The following ROBO2 variants were observed in gnomAD, a reference collection of about 807,000 sequenced individuals.
The protein encoded by ROBO2 is roundabout guidance receptor 2.
In ROBO2, 53 loss-of-function variants were observed where a neutral mutation model predicts 160.8. That is an observed-to-expected ratio of 0.33 (90% CI 0.26 to 0.41). The LOEUF (loss-of-function observed/expected upper bound fraction) is 0.41. ROBO2 is among the 10% of genes least tolerant of loss of function. The probability of loss-of-function intolerance (pLI) is 1.00; values close to 1 mark genes in which losing one functional copy is unlikely to be tolerated. For missense variants in ROBO2, 1,577 were observed against 1,722.4 expected (o/e 0.92, Z 1.49); for synonymous variants, 664 against 611.7 (o/e 1.09, Z -1.26).
intron 2 of ROBO2, among the ~76,000 whole-genome samples, chr3:77,296,861 G>T (rs2062186247): frequency 6.6e-6 from 1 of 152,078 alleles, no homozygotes; most frequent in Non-Finnish European, 1.5e-5. Context: ...TTGGTGCTTT[G>T]CTGATTAGCA....
chr3:77,130,490 A>T (rs1331742685), intron 2 of ROBO2, among the ~76,000 whole-genome samples: 1 of 152,262 alleles, frequency 6.6e-6, no homozygotes, highest in Non-Finnish European at 1.5e-5. Context: ...GATGTATAAC[A>T]TAACCACATT....
At chr3:77,323,973 T>A (rs527981373) in intron 2 of ROBO2, among the ~76,000 whole-genome samples, 2 of 152,310 alleles carry the variant, frequency 1.3e-5, no homozygotes, top group South Asian at 4.1e-4. Context: ...TTAACCCATA[T>A]GTTTGTTTCT....
chr3:75,983,096 A>G (rs1559804012), intron 2 of ROBO2, among the ~76,000 whole-genome samples: 1 of 151,424 alleles, frequency 6.6e-6, no homozygotes, highest in Non-Finnish European at 1.5e-5. Flanking sequence ...GATGTTTTAG[A>G]TCCCAATTTT....
intron 2 of ROBO2, among the ~76,000 whole-genome samples, chr3:76,008,470 A>C (rs925668374): frequency 6.6e-6 from 1 of 152,150 alleles, no homozygotes; most frequent in Non-Finnish European, 1.5e-5. Context: ...CTACAATACC[A>C]CATTTAAAAT....
chr3:76,065,609 A>C (rs2107919953), intron 2 of ROBO2, among the ~76,000 whole-genome samples: 1 of 151,916 alleles, frequency 6.6e-6, no homozygotes, highest in Admixed American at 6.6e-5. Flanking sequence ...AAAGGGGTAT[A>C]TTTTTATCAT....
intron 2 of ROBO2, among the ~76,000 whole-genome samples, chr3:76,901,891 C>T (rs987531875): frequency 6.6e-6 from 1 of 151,756 alleles, no homozygotes; most frequent in Non-Finnish European, 1.5e-5. Flanking sequence ...CTTTTTTCTT[C>T]CTGCTCCTTC....
chr3:77,456,749 G>C (rs1316933421), intron 2 of ROBO2, among the ~76,000 whole-genome samples: 1 of 152,140 alleles, frequency 6.6e-6, no homozygotes, highest in Non-Finnish European at 1.5e-5. Flanking sequence ...CTCAACATGG[G>C]ATGGCTCTTC....
chr3:76,334,116 A>G (rs931131675), intron 2 of ROBO2, among the ~76,000 whole-genome samples: 4 of 152,196 alleles, frequency 2.6e-5, no homozygotes, highest in African/African-American at 9.7e-5. Flanking sequence ...CGTTGTGCAC[A>G]TGTACCCTAG....
chr3:77,315,173 G>T (rs1049556179), intron 2 of ROBO2, among the ~76,000 whole-genome samples: 4 of 152,020 alleles, frequency 2.6e-5, no homozygotes, highest in African/African-American at 7.2e-5. Context: ...TTAATAATAT[G>T]AACTTGGAAC....
Position 77,634,992 on chromosome 3 carries a change from C to T in ROBO2, c.3883C>T (p.Arg1295Trp), listed in dbSNP as rs996452061. Residue 1295 changes from arginine (R) to tryptophan (W), a missense_variant, in exon 24 of 26, where the codon CGG (arginine) becomes TGG (tryptophan). By Grantham distance (101) the Arg-to-Trp change is moderately radical. This residue lies in a region of ROBO2 where 637 missense variants were observed against 586.9 expected (regional missense o/e 1.09). Coordinates refer to ENST00000461745, the Ensembl canonical transcript of ROBO2. The stretch of plus-strand genomic sequence containing the variant: ...GCCCACTAAAAAACACAAGGGAGGG[C>T]GGATGGACCAACAACCAGCATTGCC... 1.1e-5 allele frequency: 17 copies of T among 1,614,070 alleles called. No individual in the cohort carries two copies. Among genetic ancestry groups the T allele is most frequent in the African/African-American group, 6.7e-5 (5 of 74,998 alleles).
chr3:75,993,696 G>T (rs1260566607), intron 2 of ROBO2, among the ~76,000 whole-genome samples: 1 of 152,086 alleles, frequency 6.6e-6, no homozygotes, highest in Admixed American at 6.6e-5. Context: ...AAGCAGTGAT[G>T]GTAGGCAGAG....
chr3:76,273,967 C>T (rs1477784555), intron 2 of ROBO2, among the ~76,000 whole-genome samples: 1 of 151,846 alleles, frequency 6.6e-6, no homozygotes, highest in Non-Finnish European at 1.5e-5. Context: ...AGCAGAAGGG[C>T]AAAGAGAGGG....
rs184343184 is a variant in ROBO2 at position 77,019,928 on chromosome 3, C to T, written c.110-78086C>T. Among the ~76,000 whole-genome samples the T allele has an allele frequency of 1.4e-3, 211 of 152,246 alleles. 7 individuals are homozygous for T. The highest frequency in any genetic ancestry group is 0.013 in the Admixed American group (206 of 15,296). On this transcript the variant is annotated intron_variant, in intron 2 of 26. Coordinates refer to the ROBO2 transcript ENST00000487694. ...ACCACAAGTCTCATTTCTTCCTGGTCGACTTGGTTATGGGGCTTAATAATT... is the reference window on the plus strand; with the variant it reads ...ACCACAAGTCTCATTTCTTCCTGGTTGACTTGGTTATGGGGCTTAATAATT...
chr3:76,454,232 A>C (rs1285492020), intron 2 of ROBO2, among the ~76,000 whole-genome samples: 1 of 152,174 alleles, frequency 6.6e-6, no homozygotes, highest in Admixed American at 6.6e-5. Flanking sequence ...TTTGTTTAAA[A>C]AATTTGAAGT....
intron 12 of ROBO2, among the ~76,000 whole-genome samples, 174 bp from the exon 14 acceptor site, chr3:77,568,139 C>T (rs1169275660): frequency 6.6e-6 from 1 of 151,950 alleles, no homozygotes; most frequent in Non-Finnish European, 1.5e-5. Flanking sequence ...TTCATTATGT[C>T]CTACCACAGT....
At chr3:76,248,297 A>C (rs1705750976) in intron 2 of ROBO2, among the ~76,000 whole-genome samples, 1 of 152,094 alleles carries the variant, frequency 6.6e-6, no homozygotes, top group South Asian at 2.1e-4. Flanking sequence ...TACATCATGG[A>C]ATACTATGCA....
intron 1 of ROBO2, among the ~76,000 whole-genome samples, chr3:77,085,838 A>C (rs2069231071): frequency 6.6e-6 from 1 of 152,240 alleles, no homozygotes; most frequent in East Asian, 1.9e-4. Context: ...TAAAAGGATG[A>C]GAATGATTTT....
At chr3:77,591,116 T>C (rs1239623140) in intron 17 of ROBO2, among the ~76,000 whole-genome samples, 3 of 152,140 alleles carry the variant, frequency 2.0e-5, no homozygotes, top group Non-Finnish European at 4.4e-5. Context: ...GCTAAACACT[T>C]CACACATAGG....
chr3:75,914,944 C>T (rs1193367686), intron 1 of ROBO2, among the ~76,000 whole-genome samples: 2 of 152,150 alleles, frequency 1.3e-5, no homozygotes, highest in Non-Finnish European at 2.9e-5. Context: ...CCAGCTGTTC[C>T]TTTTGCCCAC....
Sources: gnomAD v4.1 joint callset for allele counts (sites outside exome capture counted in the v4.1 genomes callset) on GRCh38, gnomAD v4.1.1 for gene constraint, gnomAD v4.1.1 regional missense constraint, MANE v1.5 for transcripts, NCBI Gene and HGNC (gene_info 2026-07-23, HGNC 2026-07-21) for gene names.